Variants in GSG1L observed in about 807,000 individuals in gnomAD.
GSG1L encodes GSG1 like, also known as germ cell-specific gene 1-like protein.
In GSG1L, 24 loss-of-function variants were observed where a neutral mutation model predicts 42.1. That is an observed-to-expected ratio of 0.57 (90% CI 0.41 to 0.80). GSG1L has a LOEUF of 0.80. Among genes scored for constraint, GSG1L ranks in the 30% least tolerant of loss-of-function variants. The probability of loss-of-function intolerance (pLI) is 0.00; values close to 1 mark genes in which losing one functional copy is unlikely to be tolerated. For missense variants in GSG1L, 445 were observed against 472.2 expected (o/e 0.94, Z 0.53); for synonymous variants, 215 against 203.5 (o/e 1.06, Z -0.48).
chr16:27,940,500 A>G (rs1253800709), intron 2 of GSG1L, among the ~76,000 whole-genome samples: 1 of 143,094 alleles, frequency 7.0e-6, no homozygotes, highest in Admixed American at 7.1e-5. Flanking sequence ...TGACACATAT[A>G]CACCATGGAA....
At chr16:28,043,524 T>C (rs2086131912) in intron 1 of GSG1L, among the ~76,000 whole-genome samples, 1 of 152,180 alleles carries the variant, frequency 6.6e-6, no homozygotes, top group Non-Finnish European at 1.5e-5. Flanking sequence ...ATTCCATAAA[T>C]AAGTGGTGTC....
chr16:27,855,494 T>A (rs1367663925), intron 3 of GSG1L, among the ~76,000 whole-genome samples: 1 of 151,956 alleles, frequency 6.6e-6, no homozygotes, highest in Non-Finnish European at 1.5e-5. Context: ...CAGAGGTGCA[T>A]GGATCACCTG....
intron 3 of GSG1L, among the ~76,000 whole-genome samples, chr16:27,859,358 G>A (rs937762749): frequency 3.9e-5 from 6 of 152,242 alleles, no homozygotes; most frequent in Admixed American, 2.6e-4. Flanking sequence ...CAGAATGACA[G>A]GCAGACAAAG....
At chr16:27,917,243 C>T (rs547230531) in intron 2 of GSG1L, among the ~76,000 whole-genome samples, 3 of 152,186 alleles carry the variant, frequency 2.0e-5, no homozygotes, top group South Asian at 4.2e-4. Context: ...GGTGATGTAA[C>T]AGGTATTCGG....
rs577887323 is a variant in GSG1L, at chr16:27,791,401, C to T, written c.965G>A (p.Arg322Gln). The T allele has an allele frequency of 1.1e-5, 16 of 1,516,400 alleles. No individual in the cohort carries two copies. Among genetic ancestry groups the T allele is most frequent in the Middle Eastern group, 2.3e-4 (1 of 4,302 alleles). The allele number at this position is 1,516,400 out of a possible 1,614,324, so 93.9% of individuals were successfully genotyped here. The change falls in exon 7 of 7, where the codon CGA becomes CAA. Residue 322 changes from arginine to glutamine, a missense_variant. Around this residue, in one of 3 missense-constraint regions of GSG1L, gnomAD observed 140 missense variants for 120.6 expected, o/e 1.16. Transcript: ENST00000447459. The part of the protein sequence containing the change: ...SSAQEAPELN[R>Q]QCWVLGHWV ...CCAGTGCCCCAAGACCCAGCACTGT[C>T]GGTTCAGCTCTGGTGCTTCCTGTGC...
chr16:27,894,980 T>C (rs2084174727), intron 2 of GSG1L, among the ~76,000 whole-genome samples: 1 of 152,094 alleles, frequency 6.6e-6, no homozygotes, highest in Non-Finnish European at 1.5e-5. Context: ...CAACAGATGG[T>C]GGCTCCACTG....
chr16:28,008,362 A>G (rs535222645), intron 1 of GSG1L, among the ~76,000 whole-genome samples: 18 of 152,088 alleles, frequency 1.2e-4, no homozygotes, highest in Non-Finnish European at 1.6e-4. Context: ...TTACAGGCAT[A>G]AGCCACCACG....
chr16:28,034,817 A>C (rs765238611), intron 1 of GSG1L, among the ~76,000 whole-genome samples: 3 of 152,156 alleles, frequency 2.0e-5, no homozygotes, highest in Non-Finnish European at 4.4e-5. Flanking sequence ...CAGTCATGAC[A>C]AACAAAAATG....
rs575803930 is a variant in GSG1L, at chr16:27,873,152, A to T, written c.550+11334T>A. Among the ~76,000 whole-genome samples, 49 of 152,302 alleles carry T rather than the reference A, an allele frequency of 3.2e-4. 1 individual carries two copies. The highest frequency in any genetic ancestry group is 3.4e-3 in the Middle Eastern group (1 of 294). ...TCAGCACACAGTAGGTGCTCAATAA[A>T]TGTGAGCTATTGGTGCTATGATTCT... On this transcript the variant is annotated intron_variant, in intron 3 of 6. Coordinates refer to ENST00000447459, the MANE Select transcript of GSG1L (RefSeq NM_001109763.2).
chr16:28,022,281 T>C (rs2085853127), intron 1 of GSG1L, among the ~76,000 whole-genome samples: 1 of 152,078 alleles, frequency 6.6e-6, no homozygotes, highest in Admixed American at 6.6e-5. Flanking sequence ...CAGGGATAAA[T>C]CATTAAATCG....
intron 2 of GSG1L, among the ~76,000 whole-genome samples, chr16:27,888,491 CTTTCTTT>C (rs2141029279): frequency 1.7e-3 from 10 of 5,990 alleles, no homozygotes; most frequent in East Asian, 7.2e-3. Context: ...TCCTTTCTTT[CTTTCTTT>C]CTTTCTTTCT....
At chr16:27,899,696 G>A (rs188104075) in intron 2 of GSG1L, among the ~76,000 whole-genome samples, 1 of 152,250 alleles carries the variant, frequency 6.6e-6, no homozygotes, top group East Asian at 1.9e-4. Context: ...CAGCCAGGGT[G>A]ACAGAAGGAC....
intron 5 of GSG1L, among the ~76,000 whole-genome samples, chr16:27,825,209 T>C (rs2083196343): frequency 6.6e-6 from 1 of 152,048 alleles, no homozygotes; most frequent in African/African-American, 2.4e-5. Flanking sequence ...GTCTAGTCAA[T>C]CACCAGAAAA....
intron 3 of GSG1L, among the ~76,000 whole-genome samples, chr16:27,856,874 T>G (rs370700512): frequency 6.6e-6 from 1 of 152,014 alleles, no homozygotes; most frequent in African/African-American, 2.4e-5. Flanking sequence ...GGGTGGTGGC[T>G]CCCATCAGAA....
At chr16:28,004,103 G>C (rs2085609986) in intron 1 of GSG1L, among the ~76,000 whole-genome samples, 2 of 152,304 alleles carry the variant, frequency 1.3e-5, no homozygotes, top group Admixed American at 1.3e-4. Flanking sequence ...CAGGGTGGAG[G>C]GGGCAGGAGA....
chr16:27,909,796 C>T (rs1448012639), intron 2 of GSG1L, among the ~76,000 whole-genome samples: 3 of 151,884 alleles, frequency 2.0e-5, no homozygotes, highest in Non-Finnish European at 4.4e-5. Context: ...CGTGAGCCAC[C>T]ATGCCCAGCC....
At position 27,791,261 on chromosome 16, in the gene GSG1L, G is replaced by T; in HGVS notation, c.*109C>A. ...CTGGCATCTCCCACGCAGGCTGACT[G>T]AGTTCACGGCACACAGGCCAGGGTT... On this transcript the variant is annotated 3_prime_UTR_variant, in exon 7 of 7. Coordinates refer to ENST00000447459, the MANE Select transcript of GSG1L (RefSeq NM_001109763.2). The T allele has an allele frequency of 1.5e-6, 1 of 648,510 alleles. No individual in the cohort carries two copies. Among genetic ancestry groups the T allele is most frequent in the Non-Finnish European group, 2.4e-6 (1 of 419,148 alleles). 40.2% of individuals were successfully genotyped at this position (648,510 alleles called of 1,614,324 possible). A position where few individuals can be genotyped will look rare whatever the true frequency, so the allele number is the denominator to read the frequency against.
chr16:27,846,075 G>T (rs2083440142), intron 3 of GSG1L, among the ~76,000 whole-genome samples: 1 of 151,894 alleles, frequency 6.6e-6, no homozygotes, highest in South Asian at 2.1e-4. Flanking sequence ...GCTAATTTTT[G>T]TATTTCCCCT....
At chr16:27,918,057 C>T (rs995319579) in intron 2 of GSG1L, among the ~76,000 whole-genome samples, 4 of 152,208 alleles carry the variant, frequency 2.6e-5, no homozygotes, top group African/African-American at 7.2e-5. Flanking sequence ...CCCCAACACA[C>T]CTAGACCCAC....
Sources: allele counts gnomAD v4.1 joint callset (sites outside exome capture counted in the v4.1 genomes callset), GRCh38; gene constraint gnomAD v4.1.1; regional missense constraint gnomAD v4.1.1; transcripts MANE v1.5; gene names NCBI Gene and HGNC (gene_info 2026-07-23, HGNC 2026-07-21).